MRC1: variants seen among roughly 807,000 people sequenced by gnomAD.
MRC1 encodes the protein macrophage mannose receptor 1.
MRC1 carries 62 observed loss-of-function variants against 102.9 expected under a neutral mutation model. The observed-to-expected ratio is 0.60, with a 90% CI of 0.49 to 0.74. The LOEUF (loss-of-function observed/expected upper bound fraction) is 0.74. Ranked by LOEUF, MRC1 falls within the 30% of genes least tolerant of loss-of-function variation. The probability of loss-of-function intolerance (pLI) is 0.00; values close to 1 mark genes in which losing one functional copy is unlikely to be tolerated. For missense variants in MRC1, 1,237 were observed against 862.8 expected, an observed-to-expected ratio of 1.43 and a Z score of -5.43; for synonymous variants, 457 against 298.4, an observed-to-expected ratio of 1.53 and a Z score of -5.48.
intron 3 of MRC1, among the ~76,000 whole-genome samples, chr10:17,832,654 C>T: frequency 6.7e-6 from 1 of 150,112 alleles, no homozygotes; most frequent in East Asian, 2.0e-4. Context: ...GTGACGCGAT[C>T]TCGGCTCACT....
intron 23 of MRC1, among the ~76,000 whole-genome samples, chr10:17,897,672 T>A (rs920673878): frequency 1.3e-5 from 2 of 152,172 alleles, no homozygotes; most frequent in Admixed American, 6.5e-5. Flanking sequence ...AAATAAAGAT[T>A]AGCAATGACA....
intron 4 of MRC1, among the ~76,000 whole-genome samples, chr10:17,840,295 T>TA (rs3215831): frequency 6.6e-6 from 1 of 151,918 alleles, no homozygotes; most frequent in Non-Finnish European, 1.5e-5. Flanking sequence ...AAATTGACTT[T>TA]AAAAAATGAT....
chr10:17,868,898 G>A (rs983264385), intron 12 of MRC1, among the ~76,000 whole-genome samples: 11 of 152,144 alleles, frequency 7.2e-5, no homozygotes, highest in Non-Finnish European at 1.3e-4. Context: ...ATTATTTGAG[G>A]ACTAACACAA....
intron 3 of MRC1, 113 bp downstream of exon 3, chr10:17,827,828 C>A (rs893545202): frequency 8.0e-5 from 59 of 735,394 alleles, no homozygotes; most frequent in Non-Finnish European, 1.3e-4. Context: ...CATTTACGAC[C>A]TCATTGTACC....
chr10:17,851,488 A>G (rs1838916071), intron 7 of MRC1, among the ~76,000 whole-genome samples: 1 of 152,212 alleles, frequency 6.6e-6, no homozygotes, highest in South Asian at 2.1e-4. Flanking sequence ...ACCAATGAAT[A>G]CAACTTCCCC....
chr10:17,819,489 G>A (rs1589163754), intron 1 of MRC1, among the ~76,000 whole-genome samples: 1 of 145,446 alleles, frequency 6.9e-6, no homozygotes, highest in Admixed American at 6.9e-5. Flanking sequence ...GTGTGTGTGT[G>A]TACACAGAAA....
At chr10:17,827,353 G>A (rs1033476700) in intron 2 of MRC1, among the ~76,000 whole-genome samples, 189 bp from the exon 3 acceptor site, 7 of 88,974 alleles carry the variant, frequency 7.9e-5, no homozygotes, top group South Asian at 3.8e-4. Flanking sequence ...AGGGTAGAAG[G>A]AGAAGGAAAA....
In MRC1 at chr10:17,870,890, A is replaced by T. The variant is rs1408113725; in HGVS notation, c.2154A>T (p.Thr718=). 1 of 872,356 alleles carries T rather than the reference A, an allele frequency of 1.1e-6. No homozygotes were observed. The highest frequency in any genetic ancestry group is 2.0e-6 in the Non-Finnish European group (1 of 501,276). 54.0% of individuals were successfully genotyped at this position (872,356 alleles called of 1,614,324 possible). A position where few individuals can be genotyped will look rare whatever the true frequency, so the allele number is the denominator to read the frequency against. The change falls in exon 14 of 30, where the codon ACA becomes ACT. Residue 718 remains threonine (T), a synonymous_variant. Transcript: ENST00000569591. ...SYHKLFWLGL[T]YGSPSEGFTW... is the part of the protein sequence containing the mutation. ...ACAAACTGTTTTGGTTGGGATTGAC[A>T]TATGGAAGCCCTTCAGAAGGTTTTA... is the stretch of plus-strand genomic sequence containing the variant.
chr10:17,908,369 G>A (rs1833924139), intron 28 of MRC1, among the ~76,000 whole-genome samples: 2 of 152,134 alleles, frequency 1.3e-5, no homozygotes, highest in Admixed American at 1.3e-4. Context: ...CCACCTCCTG[G>A]GTTCAAGCGA....
At chr10:17,821,519 GT>G (rs1240850292) in intron 1 of MRC1, among the ~76,000 whole-genome samples, 9 of 145,530 alleles carry the variant, frequency 6.2e-5, no homozygotes, top group African/African-American at 1.2e-4. Context: ...TTTTTTGTTT[GT>G]TTTTTTTTAA....
Position 17,879,729 on chromosome 10 carries a change from A to G in MRC1, c.2627A>G (p.Asp876Gly), listed in dbSNP as rs782517617. 2 of 780,836 alleles carry G rather than the reference A, an allele frequency of 2.6e-6. No homozygotes were observed. The highest frequency in any genetic ancestry group is 4.8e-6 in the Non-Finnish European group (2 of 417,960). The allele number at this position is 780,836 out of a possible 1,614,324, so 48.4% of individuals were successfully genotyped here. ...TGAATTTTCTTTTCCAGTTGGATGGATGGAAGCAAAGTGGATTACGTGTCT... is the reference window on the plus strand; with the variant it reads ...TGAATTTTCTTTTCCAGTTGGATGGGTGGAAGCAAAGTGGATTACGTGTCT... Reference protein sequence around the residue: ...ISLDKKFAWMDGSKVDYVSWA... With the variant: ...ISLDKKFAWMGGSKVDYVSWA... Residue 876 changes from aspartate to glycine, a missense_variant, in exon 19 of 30, where the codon GAT becomes GGT. Asp to Gly is a moderately conservative substitution (Grantham distance 94). Coordinates refer to ENST00000569591, the MANE Select transcript of MRC1 (RefSeq NM_002438.4).
intron 7 of MRC1, among the ~76,000 whole-genome samples, chr10:17,851,692 G>T (rs1372820440): frequency 2.6e-5 from 4 of 152,162 alleles, no homozygotes; most frequent in African/African-American, 9.6e-5. Context: ...ATCTTTGAGG[G>T]GTACATGAGG....
At chr10:17,839,063 ATAATAATAATGG>A (rs1451272876) in intron 4 of MRC1, among the ~76,000 whole-genome samples, 3 of 152,150 alleles carry the variant, frequency 2.0e-5, no homozygotes, top group Non-Finnish European at 2.9e-5. Context: ...ATTGATAATA[ATAATAATAATGG>A]TAATAATAAC....
rs1024048550 is a variant in MRC1 at position 17,870,691 on chromosome 10, C to T, written c.2112-157C>T. Among the ~76,000 whole-genome samples, 144 of 152,274 alleles carry T rather than the reference C, an allele frequency of 9.5e-4. 1 individual carries two copies. In the East Asian group the frequency reaches 0.021, roughly 22 times the overall value. Reference sequence around the variant, plus strand: ...TTATGGGATATACCAAAATGCACATCTATTGCATAAGTCTTCTATTTAGCT... The same window carrying T: ...TTATGGGATATACCAAAATGCACATTTATTGCATAAGTCTTCTATTTAGCT... On this transcript the variant is annotated intron_variant, in intron 13 of 29. Coordinates refer to ENST00000569591, the MANE Select transcript of MRC1 (RefSeq NM_002438.4).
intron 4 of MRC1, among the ~76,000 whole-genome samples, chr10:17,840,268 A>T (rs1255658373): frequency 6.7e-6 from 1 of 149,368 alleles, no homozygotes; most frequent in Non-Finnish European, 1.5e-5. Flanking sequence ...TTTAATCATC[A>T]TGTTAACGAA....
chr10:17,875,028 A>G, intron 16 of MRC1, 62 bp from the exon 17 acceptor site: 1 of 780,516 alleles, frequency 1.3e-6, no homozygotes, highest in Non-Finnish European at 2.4e-6. Flanking sequence ...TGTGTGCTGT[A>G]CACACCAGAT....
intron 22 of MRC1, among the ~76,000 whole-genome samples, chr10:17,891,055 G>T (rs1833665449): frequency 2.6e-5 from 4 of 151,686 alleles, no homozygotes. Context: ...ATTACCCCCA[G>T]ATGGGACCAT....
chr10:17,833,858 T>G lies in MRC1; in HGVS notation c.802+19T>G, dbSNP rs56278466. The G allele has an allele frequency of 0.64, 497,068 of 779,700 alleles. 160,588 individuals are homozygous for G. The highest frequency in any genetic ancestry group is 0.71 in the African/African-American group (41,836 of 59,084). The allele number at this position is 779,700 out of a possible 1,614,324, so 48.3% of individuals were successfully genotyped here. A position where few individuals can be genotyped will look rare whatever the true frequency, so the allele number is the denominator to read the frequency against. ...CTGACAGGTAAGGACATGAAAAGTC[T>G]CAAGTAAAATCATGACTGCTTTATT... On this transcript the variant is annotated intron_variant, in intron 4 of 29. Transcript: ENST00000569591.
rs1257043490 is a variant in MRC1, at chr10:17,821,269, C to T, written c.62-1805C>T. Among the ~76,000 whole-genome samples, 4 of 152,086 alleles carry T rather than the reference C, an allele frequency of 2.6e-5. No individual in the cohort carries two copies. In the East Asian group the frequency reaches 7.7e-4, roughly 29 times the overall value. ...ACTCTAAGTAAGACAGCATTTAATG[C>T]GTAACATCCAAACTTCTCTTTCTCA... On this transcript the variant is annotated intron_variant, in intron 1 of 29. Transcript: ENST00000569591.
Sources: gnomAD v4.1 joint callset for allele counts (sites outside exome capture counted in the v4.1 genomes callset) on GRCh38, gnomAD v4.1.1 for gene constraint, MANE v1.5 for transcripts, NCBI Gene and HGNC (gene_info 2026-07-23, HGNC 2026-07-21) for gene names.